NBPF14: variants seen among roughly 807,000 people sequenced by gnomAD.
NBPF14 encodes the protein NBPF family member NBPF14.
NBPF14 carries 104 observed loss-of-function variants against 91.2 expected under a neutral mutation model. The observed-to-expected ratio is 1.14, with a 90% CI of 0.97 to 1.34. NBPF14 has a LOEUF of 1.34. Among genes scored for constraint, NBPF14 ranks in the 40% most tolerant of loss-of-function variants. The pLI, the probability that NBPF14 is intolerant of heterozygous loss-of-function variation, is 0.00. For synonymous variants in NBPF14, 294 were observed against 303.8 expected (o/e 0.97, Z 0.34); for missense variants, 908 against 783.0 (o/e 1.16, Z -1.91).
At position 148,581,001 on chromosome 1, in the gene NBPF14, T is replaced by TCCTCCCTC. The variant is rs1368133345; in HGVS notation, c.1638-1772_1638-1765dup. Among the ~76,000 whole-genome samples, 8 of 95,232 alleles carry TCCTCCCTC rather than the reference T, an allele frequency of 8.4e-5. No homozygotes were observed. The East Asian group carries it at 2.3e-3, about 28-fold the overall frequency. The allele number at this position is 95,232 out of a possible 152,430, so 62.5% of individuals were successfully genotyped here. On this transcript the variant is annotated intron_variant, in intron 12 of 70. Coordinates refer to ENST00000619423, the Ensembl canonical transcript of NBPF14. Reference sequence around the variant, plus strand: ...TAGGTATATCTCCTAATGCTACCCCTCCTCCCTCCCCACACCCTACAACAG... The same window carrying TCCTCCCTC: ...TAGGTATATCTCCTAATGCTACCCCTCCTCCCTCCCTCCCTCCCCACACCCTACAACAG...
chr1:148,572,343 A>T, intron 21 of NBPF14, 100 bp downstream of exon 21: 1 of 293,802 alleles, frequency 3.4e-6, no homozygotes, highest in Non-Finnish European at 5.8e-6. Context: ...GCCTGCGGCA[A>T]TGACGTCTCT....
intron 37 of NBPF14, 105 bp downstream of exon 37, chr1:148,559,688 G>C: frequency 5.9e-6 from 4 of 683,164 alleles, no homozygotes; most frequent in South Asian, 5.0e-5. Flanking sequence ...GGTCCTCCCT[G>C]TGGCAATGAC....
intron 14 of NBPF14, among the ~76,000 whole-genome samples, chr1:148,577,560 A>T (rs1412766164): frequency 6.6e-6 from 1 of 150,664 alleles, no homozygotes; most frequent in African/African-American, 2.5e-5. Context: ...ACACACACAC[A>T]CACACACACA....
chr1:148,539,375 G>T (rs1655525934), intron 63 of NBPF14, 35 bp downstream of exon 63: 1 of 470,930 alleles, frequency 2.1e-6, no homozygotes, highest in African/African-American at 4.8e-5. Context: ...GGAAGACCAG[G>T]TGGAGGCTTA....
chr1:148,592,705 G>T, exon 4 of NBPF14: 1 of 1,587,426 alleles, frequency 6.3e-7, no homozygotes, highest in South Asian at 1.1e-5. Flanking sequence ...CTCCCTTCCC[G>T]TAACTTCTCC....
intron 40 of NBPF14, among the ~76,000 whole-genome samples, chr1:148,557,099 G>C (rs1656721704): frequency 7.8e-6 from 1 of 127,558 alleles, no homozygotes; most frequent in African/African-American, 3.8e-5. Context: ...GAGAGAGAGA[G>C]AGAACGAGCT....
chr1:148,534,890 G>A (rs1553332559), intron 68 of NBPF14, 34 bp from the exon 69 acceptor site: 1 of 717,364 alleles, frequency 1.4e-6, no homozygotes, highest in Non-Finnish European at 2.5e-6. Context: ...GAATAAGCCA[G>A]GGGGAATCAG....
At chr1:148,557,101 G>T (rs1333201979) in intron 40 of NBPF14, among the ~76,000 whole-genome samples, 1 of 126,282 alleles carries the variant, frequency 7.9e-6, no homozygotes, top group Non-Finnish European at 1.5e-5. Flanking sequence ...GAGAGAGAGA[G>T]AACGAGCTCA....
At chr1:148,533,887 T>A (rs1316795167) in exon 70 of NBPF14, 20 of 760,468 alleles carry the variant, frequency 2.6e-5, no homozygotes. Flanking sequence ...TTTGATCTTC[T>A]TCCCCTTCTT....
chr1:148,591,462 G>T (rs1179651146), exon 5 of NBPF14: 28 of 1,608,316 alleles, frequency 1.7e-5, no homozygotes, highest in South Asian at 6.6e-5. Context: ...TACTTTCTCA[G>T]CCTCCTCAAC....
In NBPF14 at chr1:148,534,679, C is replaced by A. The variant is rs1654708944; in HGVS notation, c.8614+5G>T. On this transcript the variant is annotated splice_donor_5th_base_variant and intron_variant, in intron 69 of 70. Coordinates refer to ENST00000619423, the Ensembl canonical transcript of NBPF14. ...GGCTTATCACCTTCATAGTAAGGTACTCACTGTCCACGTCAAGAGCCAAGC... is the reference window on the plus strand; with the variant it reads ...GGCTTATCACCTTCATAGTAAGGTAATCACTGTCCACGTCAAGAGCCAAGC... 10 of 800,110 alleles carry A rather than the reference C, an allele frequency of 1.2e-5. No individual in the cohort carries two copies. The highest frequency in any genetic ancestry group is 2.2e-5 in the Non-Finnish European group (10 of 445,524). 49.6% of individuals were successfully genotyped at this position (800,110 alleles called of 1,614,324 possible). A position where few individuals can be genotyped will look rare whatever the true frequency, so the allele number is the denominator to read the frequency against.
intron 14 of NBPF14, among the ~76,000 whole-genome samples, chr1:148,577,713 C>A (rs1660165379): frequency 6.9e-6 from 1 of 144,490 alleles, no homozygotes; most frequent in African/African-American, 2.7e-5. Flanking sequence ...AATAATTTTG[C>A]ATAAAATGTG....
At chr1:148,561,814 C>CAGAGAGAG (rs1250718234) in intron 34 of NBPF14, among the ~76,000 whole-genome samples, 4 of 134,674 alleles carry the variant, frequency 3.0e-5, no homozygotes, top group African/African-American at 1.4e-4. Context: ...CACACACACA[C>CAGAGAGAG]ACACAGAGAG....
At chr1:148,560,215 A>T (rs1374071877) in intron 36 of NBPF14, among the ~76,000 whole-genome samples, 1 of 151,074 alleles carries the variant, frequency 6.6e-6, no homozygotes, top group African/African-American at 2.5e-5. Context: ...GACCTAGTGA[A>T]TTGGCCAGGT....
chr1:148,578,190 G>C (rs1380790136), intron 13 of NBPF14, among the ~76,000 whole-genome samples, 156 bp from the exon 14 acceptor site: 2 of 151,998 alleles, frequency 1.3e-5, no homozygotes, highest in African/African-American at 4.8e-5. Flanking sequence ...GTCAAGTCTT[G>C]AGAAAACTGG....
intron 24 of NBPF14, 101 bp from the exon 25 acceptor site, chr1:148,569,528 A>G (rs1658930752): frequency 1.1e-5 from 3 of 263,366 alleles, no homozygotes; most frequent in Admixed American, 1.4e-4. Flanking sequence ...TTTGAAAAGA[A>G]AAAGGACAGA....
In NBPF14 at chr1:148,592,682, G is replaced by A; in HGVS notation, c.363C>T (p.Arg121=). ...GGGCCTGGAGATGCTCATACAATGAGCGGGAGGCATCTCTCCCTTCCCGTA... is the reference window on the plus strand; with the variant it reads ...GGGCCTGGAGATGCTCATACAATGAACGGGAGGCATCTCTCCCTTCCCGTA... Residue 121 remains arginine (R), a synonymous_variant, in exon 4 of 71, where the codon CGC becomes CGT. Coordinates refer to ENST00000619423, the Ensembl canonical transcript of NBPF14. 4 of 1,588,546 alleles carry A rather than the reference G, an allele frequency of 2.5e-6. No homozygotes were observed. In the South Asian group the frequency reaches 4.5e-5, roughly 18 times the overall value.
rs1254037348 is a variant in NBPF14, at chr1:148,578,969, G to C, written c.1801+105C>G. On this transcript the variant is annotated intron_variant, in intron 13 of 70. Transcript: ENST00000619423. ...ACATTGATATATAGGTTCAGCCCAC[G>C]GTGATGGCAAATCTCAGCCCAACAA... The C allele has an allele frequency of 3.6e-5, 24 of 660,708 alleles. 1 individual carries two copies. In the Admixed American group the frequency reaches 5.2e-4, roughly 14 times the overall value. 40.9% of individuals were successfully genotyped at this position (660,708 alleles called of 1,614,324 possible).
At chr1:148,539,442 T>C in exon 63 of NBPF14, 2 of 314,620 alleles carry the variant, frequency 6.4e-6, no homozygotes, top group Non-Finnish European at 5.5e-6. Context: ...AAGGTACTGT[T>C]CCTCCAATGA....
Sources: allele counts gnomAD v4.1 joint callset (sites outside exome capture counted in the v4.1 genomes callset), GRCh38; gene constraint gnomAD v4.1.1; transcripts MANE v1.5; gene names NCBI Gene and HGNC (gene_info 2026-07-23, HGNC 2026-07-21).